Variants in CD96 observed in about 807,000 individuals in gnomAD.
CD96 encodes the protein T-cell surface protein tactile.
A neutral mutation model predicts 71.3 loss-of-function variants in CD96; 70 were observed. The observed-to-expected ratio is 0.98, with a 90% CI of 0.81 to 1.20. The LOEUF is 1.20. Ranked by LOEUF, CD96 falls within the 50% of genes most tolerant of loss-of-function variation. The probability of loss-of-function intolerance (pLI) is 0.00; values close to 1 mark genes in which losing one functional copy is unlikely to be tolerated. For missense variants in CD96, 742 were observed against 677.5 expected (o/e 1.10, Z -1.06); for synonymous variants, 248 against 233.0 (o/e 1.06, Z -0.59).
chr3:111,634,318 G>A (rs1313420275), intron 10 of CD96: 2 of 152,116 alleles, frequency 1.3e-5, no homozygotes, highest in African/African-American at 4.8e-5. Context: ...ACCAAAAAAT[G>A]AAATTTAAAG....
downstream of CD96, among the ~76,000 whole-genome samples, chr3:111,657,147 T>A (rs1264341448): frequency 2.6e-5 from 4 of 152,056 alleles, no homozygotes; most frequent in African/African-American, 7.2e-5. Context: ...ACTAATCCAA[T>A]CCAGGCTCAC....
chr3:111,579,060 C>G lies in CD96; in HGVS notation c.577C>G (p.Gln193Glu), dbSNP rs766024445. The G allele has an allele frequency of 2.5e-6, 4 of 1,609,772 alleles. No homozygotes were observed. The highest frequency in any genetic ancestry group is 3.4e-6 in the Non-Finnish European group (4 of 1,176,048). ...TGGAACTCAGGAAACACTTATCTCC[C>G]AAAATCACCTCATCAGCAATTCCAC... is the stretch of plus-strand genomic sequence containing the variant. ...DNGTQETLIS[Q>E]NHLISNSTLL... Residue 193 changes from glutamine (Q) to glutamate (E), a missense_variant, in exon 4 of 14, where the codon CAA (glutamine) becomes GAA (glutamate). Gln to Glu is a conservative substitution (Grantham distance 29). Transcript: ENST00000352690.
At chr3:111,607,846 A>G (rs913174521) in intron 8 of CD96, among the ~76,000 whole-genome samples, 2 of 152,132 alleles carry the variant, frequency 1.3e-5, no homozygotes, top group African/African-American at 4.8e-5. Context: ...CTTTTTTTGA[A>G]GCCTCTTTTT....
intron 3 of CD96, chr3:111,577,466 G>C (rs1239967301): frequency 6.7e-7 from 1 of 1,492,406 alleles, no homozygotes; most frequent in Admixed American, 1.7e-5. Flanking sequence ...CTGTAATACA[G>C]TCTTTCTCCC....
intron 10 of CD96, among the ~76,000 whole-genome samples, chr3:111,625,349 C>T (rs1938699125): frequency 6.6e-6 from 1 of 152,120 alleles, no homozygotes; most frequent in African/African-American, 2.4e-5. Flanking sequence ...GCATGACCCT[C>T]TGTAATTTAA....
At chr3:111,614,251 A>T (rs1362569793) in intron 8 of CD96, among the ~76,000 whole-genome samples, 1 of 152,106 alleles carries the variant, frequency 6.6e-6, no homozygotes, top group East Asian at 1.9e-4. Context: ...AGAGACAGGG[A>T]ATGTCTCTGA....
chr3:111,655,614 A>G (rs889933747), downstream of CD96, among the ~76,000 whole-genome samples: 1 of 152,156 alleles, frequency 6.6e-6, no homozygotes, highest in Non-Finnish European at 1.5e-5. Context: ...AACATTACCT[A>G]AGGGTTATAC....
chr3:111,620,901 T>G (rs1349005220), intron 8 of CD96, among the ~76,000 whole-genome samples: 5 of 152,360 alleles, frequency 3.3e-5, no homozygotes. Flanking sequence ...CTCCTTCTCC[T>G]GCAGTAACCC....
intron 2 of CD96, among the ~76,000 whole-genome samples, chr3:111,547,382 G>A (rs1210714760): frequency 3.3e-5 from 5 of 152,218 alleles, no homozygotes; most frequent in Admixed American, 6.5e-5. Context: ...TGTAATGTTA[G>A]TACAAGTACA....
At chr3:111,626,042 G>A (rs139605438) in intron 10 of CD96, among the ~76,000 whole-genome samples, 3,854 of 152,140 alleles carry the variant, frequency 0.025, 190 homozygotes, top group African/African-American at 0.089. Flanking sequence ...AGTGGCTCAC[G>A]CCTGTAATCC....
intron 10 of CD96, among the ~76,000 whole-genome samples, chr3:111,628,128 A>G (rs1439580975): frequency 6.6e-6 from 1 of 152,206 alleles, no homozygotes; most frequent in African/African-American, 2.4e-5. Flanking sequence ...TTTCCTCCAA[A>G]TAATCTCAAC....
At chr3:111,638,978 T>A (rs2107760055) in intron 12 of CD96, among the ~76,000 whole-genome samples, 1 of 152,158 alleles carries the variant, frequency 6.6e-6, no homozygotes, top group African/African-American at 2.4e-5. Flanking sequence ...GAAAAAAAAA[T>A]ATAGGCATTG....
In CD96 at chr3:111,567,541, A is replaced by G. The variant is rs753189773; in HGVS notation, c.437A>G (p.Asn146Ser). Residue 146 changes from asparagine (N) to serine (S), a missense_variant, in exon 3 of 14, where the codon AAC becomes AGC. By Grantham distance (46) the Asn-to-Ser change is conservative (BLOSUM62 1). Transcript: ENST00000352690. ...IQTHVTADEWNSNHTIEIEIN... is the reference protein window; with the variant it reads ...IQTHVTADEWSSNHTIEIEIN... ...GTTACAGTTACAGCAGATGAATGGA[A>G]CAGCAACCATACGATAGAAATAGAG... 9 of 1,604,604 alleles carry G rather than the reference A, an allele frequency of 5.6e-6. No individual in the cohort carries two copies. The highest frequency in any genetic ancestry group is 2.7e-5 in the African/African-American group (2 of 74,708).
At chr3:111,649,569 GA>G in intron 13 of CD96, 128 bp from the exon 14 acceptor site, 3 of 746,754 alleles carry the variant, frequency 4.0e-6, no homozygotes, top group South Asian at 2.9e-5. Flanking sequence ...AATGCTGAAA[GA>G]ACTGGGAGAG....
At chr3:111,560,164 T>C (rs1053351392) in intron 2 of CD96, among the ~76,000 whole-genome samples, 2 of 151,794 alleles carry the variant, frequency 1.3e-5, no homozygotes, top group Admixed American at 6.6e-5. Context: ...CTTTATCCAA[T>C]TTGCCAGTCT....
intron 5 of CD96, chr3:111,593,404 G>T: frequency 9.3e-7 from 1 of 1,075,234 alleles, no homozygotes; most frequent in Non-Finnish European, 1.3e-6. Flanking sequence ...GACCTGCTCA[G>T]ATTAACTCAT....
intron 4 of CD96, among the ~76,000 whole-genome samples, chr3:111,581,591 C>T (rs919780441): frequency 6.6e-6 from 1 of 152,226 alleles, no homozygotes; most frequent in Non-Finnish European, 1.5e-5. Context: ...CTTCACTGGT[C>T]TCCTTTGGTT....
intron 5 of CD96, among the ~76,000 whole-genome samples, chr3:111,596,309 A>C (rs912203627): frequency 1.3e-5 from 2 of 152,206 alleles, no homozygotes; most frequent in Admixed American, 6.5e-5. Context: ...TAGGAATGAG[A>C]CTGGGAGGAG....
chr3:111,649,242 G>GT (rs1559779312), intron 13 of CD96, among the ~76,000 whole-genome samples: 6 of 152,202 alleles, frequency 3.9e-5, no homozygotes, highest in Middle Eastern at 3.2e-3. Flanking sequence ...GTCATGGAGA[G>GT]TATCAGTTCT....
Sources: gnomAD v4.1 joint callset for allele counts (sites outside exome capture counted in the v4.1 genomes callset) on GRCh38, gnomAD v4.1.1 for gene constraint, MANE v1.5 for transcripts, NCBI Gene and HGNC (gene_info 2026-07-23, HGNC 2026-07-21) for gene names.